Variants in ADGRD1 observed in about 807,000 individuals in gnomAD.
ADGRD1 encodes the protein adhesion G protein-coupled receptor D1.
A neutral mutation model predicts 113.4 loss-of-function variants in ADGRD1; 77 were observed. That is an observed-to-expected ratio of 0.68 (90% confidence interval 0.57 to 0.82). The LOEUF is 0.82. ADGRD1 is among the 40% of genes least tolerant of loss of function. ADGRD1 has a pLI of 0.00. For synonymous variants in ADGRD1, 474 were observed against 475.0 expected, an observed-to-expected ratio of 1.00 and a Z score of 0.03; for missense variants, 1,036 against 1,139.1, an observed-to-expected ratio of 0.91 and a Z score of 1.30.
At chr12:131,007,548 C>T (rs561670104) in intron 12 of ADGRD1, among the ~76,000 whole-genome samples, 88 of 152,368 alleles carry the variant, frequency 5.8e-4, no homozygotes, top group African/African-American at 1.9e-3. Flanking sequence ...CCTTCACTCT[C>T]CCTCTGCTGT....
chr12:131,003,037 C>T lies in ADGRD1; in HGVS notation c.1027-148C>T. On this transcript the variant is annotated intron_variant, in intron 9 of 24. Coordinates refer to ENST00000261654, the MANE Select transcript of ADGRD1 (RefSeq NM_198827.5). This position sits in a 1 kb window ranked among gnomAD's most constrained non-coding sequence, Gnocchi z 4.8. ...TGTGTGGCCTCCGTGTGGTCCCCTC[C>T]TGATCCATGGGAAGGGGCAGTTGTG... The T allele has an allele frequency of 1.3e-6, 1 of 761,244 alleles. No individual in the cohort carries two copies. The highest frequency in any genetic ancestry group is 2.3e-6 in the Non-Finnish European group (1 of 434,972). The allele number at this position is 761,244 out of a possible 1,614,324, so 47.2% of individuals were successfully genotyped here. A position where few individuals can be genotyped will look rare whatever the true frequency, so the allele number is the denominator to read the frequency against.
chr12:131,031,032 T>G (rs1228854533), intron 13 of ADGRD1, among the ~76,000 whole-genome samples: 1 of 152,160 alleles, frequency 6.6e-6, no homozygotes, highest in Non-Finnish European at 1.5e-5. Context: ...CCAGGGTTTC[T>G]GAACAGGCCA....
chr12:131,138,694 A>T (rs1380976142), intron 24 of ADGRD1, among the ~76,000 whole-genome samples: 2 of 150,412 alleles, frequency 1.3e-5, no homozygotes, highest in East Asian at 4.0e-4. Flanking sequence ...CCATTCTCGC[A>T]CTCCGCCCCC....
Position 131,114,638 on chromosome 12 carries a change from G to C in ADGRD1, c.2042-3747G>C, listed in dbSNP as rs369047987. ...GCTGGAGGCCCACCCAGAGCATGGT[G>C]GGGGGAGCCCCTGGGAGGTGGCTTC... On this transcript the variant is annotated intron_variant, in intron 18 of 24. Transcript: ENST00000261654. Among the ~76,000 whole-genome samples the C allele has an allele frequency of 2.4e-4, 37 of 152,270 alleles. No individual in the cohort carries two copies. In the South Asian group the frequency reaches 7.3e-3, roughly 30 times the overall value.
At chr12:131,033,120 C>G (rs1330663954) in intron 13 of ADGRD1, among the ~76,000 whole-genome samples, 1 of 152,238 alleles carries the variant, frequency 6.6e-6, no homozygotes, top group Non-Finnish European at 1.5e-5. Flanking sequence ...CCAGGCAGTG[C>G]CCTGGGTCTC....
chr12:131,106,286 T>C (rs759377070), intron 17 of ADGRD1, among the ~76,000 whole-genome samples: 2 of 152,218 alleles, frequency 1.3e-5, no homozygotes, highest in Non-Finnish European at 2.9e-5. Flanking sequence ...GCTGTGCCCT[T>C]CATCAGCTGC....
At position 130,966,946 on chromosome 12, in the gene ADGRD1, A is replaced by G. The variant is rs1379364019; in HGVS notation, c.187+400A>G. ...CGAAGCATTTTACTAGAATTTTTATAGAGAGAGCTATTGCGTATTGAATGG... is the reference window on the plus strand; with the variant it reads ...CGAAGCATTTTACTAGAATTTTTATGGAGAGAGCTATTGCGTATTGAATGG... On this transcript the variant is annotated intron_variant, in intron 3 of 24. Coordinates refer to ENST00000261654, the MANE Select transcript of ADGRD1 (RefSeq NM_198827.5). This position sits in a 1 kb window ranked among gnomAD's most constrained non-coding sequence, Gnocchi z 4.6. 1 of 438,268 alleles carries G rather than the reference A, an allele frequency of 2.3e-6. No homozygotes were observed. Among genetic ancestry groups the G allele is most frequent in the Non-Finnish European group, 4.7e-6 (1 of 211,484 alleles). 27.1% of individuals were successfully genotyped at this position (438,268 alleles called of 1,614,324 possible).
chr12:131,120,991 C>T (rs756737415), intron 20 of ADGRD1, 78 bp downstream of exon 20: 27 of 1,329,642 alleles, frequency 2.0e-5, no homozygotes, highest in Non-Finnish European at 2.6e-5. Context: ...CTGGAGATGG[C>T]GGGGGGCTCC....
chr12:131,103,236 AG>A (rs1310062186), intron 15 of ADGRD1, among the ~76,000 whole-genome samples: 1 of 152,256 alleles, frequency 6.6e-6, no homozygotes, highest in East Asian at 1.9e-4. Flanking sequence ...AGAGCACAAA[AG>A]GGCCCCTCCA....
At chr12:130,997,583 C>T (rs541648175) in intron 8 of ADGRD1, among the ~76,000 whole-genome samples, 7 of 150,660 alleles carry the variant, frequency 4.6e-5, no homozygotes, top group South Asian at 2.1e-4. Context: ...GGGGCAAAGG[C>T]GCTCCCCACA....
intron 6 of ADGRD1, chr12:130,988,124 T>A (rs924326524): frequency 6.6e-6 from 1 of 152,096 alleles, no homozygotes; most frequent in Admixed American, 6.6e-5. Context: ...CTCTCAGATT[T>A]TTTTTTTGCT....
chr12:131,054,530 A>T (rs1328346876), intron 13 of ADGRD1, among the ~76,000 whole-genome samples: 1 of 152,174 alleles, frequency 6.6e-6, no homozygotes, highest in Non-Finnish European at 1.5e-5. Context: ...TAGAAGTTCC[A>T]AGGTTTCCAG....
At chr12:131,059,630 G>A (rs1382468857) in intron 13 of ADGRD1, among the ~76,000 whole-genome samples, 3 of 152,148 alleles carry the variant, frequency 2.0e-5, no homozygotes, top group Non-Finnish European at 4.4e-5. Context: ...CTGACATGAC[G>A]CTCAAAGGAA....
intron 18 of ADGRD1, among the ~76,000 whole-genome samples, chr12:131,110,330 T>C (rs1264681238): frequency 6.8e-6 from 1 of 146,736 alleles, no homozygotes; most frequent in Non-Finnish European, 1.5e-5. Flanking sequence ...AGTGTAACAC[T>C]TTAATTCTCT....
In ADGRD1 at chr12:131,084,972, C is replaced by T. The variant is rs1020390788; in HGVS notation, c.1671+309C>T. Among the ~76,000 whole-genome samples, 1 of 152,220 alleles carries T rather than the reference C, an allele frequency of 6.6e-6. No homozygotes were observed. The highest frequency in any genetic ancestry group is 2.4e-5 in the African/African-American group (1 of 41,458). On this transcript the variant is annotated intron_variant, in intron 15 of 24. Coordinates refer to ENST00000261654, the MANE Select transcript of ADGRD1 (RefSeq NM_198827.5). This position sits in a 1 kb window ranked among gnomAD's most constrained non-coding sequence, Gnocchi z 4.5. Reference sequence around the variant, plus strand: ...AGGGACCCCTCATCCCTCCATCTGTCCCTCTGGCAGATTCTCACTGGGCGC... The same window carrying T: ...AGGGACCCCTCATCCCTCCATCTGTTCCTCTGGCAGATTCTCACTGGGCGC...
intron 4 of ADGRD1, 75 bp from the exon 5 acceptor site, chr12:130,981,809 C>A: frequency 1.0e-6 from 1 of 972,726 alleles, no homozygotes; most frequent in Non-Finnish European, 1.6e-6. Flanking sequence ...AAATAAAAAG[C>A]AAAGAGAACC....
chr12:131,028,321 T>A (rs1026187617), intron 13 of ADGRD1, among the ~76,000 whole-genome samples: 6 of 152,246 alleles, frequency 3.9e-5, no homozygotes, highest in South Asian at 2.1e-4. Flanking sequence ...ACTGATTTTT[T>A]AAGGAGTTTT....
chr12:131,077,924 T>G (rs1885767563), intron 14 of ADGRD1, among the ~76,000 whole-genome samples: 1 of 152,196 alleles, frequency 6.6e-6, no homozygotes, highest in Non-Finnish European at 1.5e-5. Context: ...TAGATTATTA[T>G]ATGAACTGTC....
At chr12:131,046,720 C>G (rs1289187348) in intron 13 of ADGRD1, among the ~76,000 whole-genome samples, 2 of 147,450 alleles carry the variant, frequency 1.4e-5, no homozygotes, top group Admixed American at 1.3e-4. Context: ...AGTGCTCCCT[C>G]CCTGGTCAGT....
Sources: allele counts gnomAD v4.1 joint callset (sites outside exome capture counted in the v4.1 genomes callset), GRCh38; gene constraint gnomAD v4.1.1; non-coding constraint Gnocchi (gnomAD v3.1); transcripts MANE v1.5; gene names NCBI Gene and HGNC (gene_info 2026-07-23, HGNC 2026-07-21).